DYNC2H1: variants seen among roughly 807,000 people sequenced by gnomAD.
DYNC2H1 encodes the protein dynein cytoplasmic 2 heavy chain 1.
DYNC2H1 carries 410 observed loss-of-function variants against 570.0 expected under a neutral mutation model. The observed-to-expected ratio is 0.72, with a 90% CI of 0.66 to 0.78. DYNC2H1 has a LOEUF of 0.78. Ranked by LOEUF, DYNC2H1 falls within the 30% of genes least tolerant of loss-of-function variation. The probability of loss-of-function intolerance (pLI) is 0.00; values close to 1 mark genes in which losing one functional copy is unlikely to be tolerated. For missense variants in DYNC2H1, 4,865 were observed against 5,046.4 expected (o/e 0.96, Z 1.09); for synonymous variants, 1,688 against 1,677.6 (o/e 1.01, Z -0.15).
chr11:103,116,221 G>T (rs1408318538), intron 4 of DYNC2H1, among the ~76,000 whole-genome samples: 1 of 152,142 alleles, frequency 6.6e-6, no homozygotes, highest in Non-Finnish European at 1.5e-5. Context: ...AATAATGAAT[G>T]AATAAAGACA....
At chr11:103,195,951 C>T (rs985440542) in intron 47 of DYNC2H1, among the ~76,000 whole-genome samples, 16 of 152,122 alleles carry the variant, frequency 1.1e-4, no homozygotes, top group South Asian at 2.1e-4. Flanking sequence ...ATATAGTAAG[C>T]GAAGGATATT....
intron 21 of DYNC2H1, 83 bp from the exon 22 acceptor site, chr11:103,153,220 A>T (rs759709013): frequency 2.4e-6 from 3 of 1,244,742 alleles, no homozygotes; most frequent in Non-Finnish European, 3.3e-6. Flanking sequence ...TCACTTTTAA[A>T]TAGAAAATAT....
At chr11:103,283,173 AG>A in intron 73 of DYNC2H1, 88 bp downstream of exon 73, 1 of 1,069,160 alleles carries the variant, frequency 9.4e-7, no homozygotes, top group South Asian at 1.6e-5. Flanking sequence ...ATTCGTAATC[AG>A]TGTTAACATT....
intron 75 of DYNC2H1, among the ~76,000 whole-genome samples, chr11:103,291,174 A>T: frequency 6.6e-6 from 1 of 152,218 alleles, no homozygotes; most frequent in Non-Finnish European, 1.5e-5. Context: ...GTGGTGGCTC[A>T]TGCCTATAAT....
intron 84 of DYNC2H1, among the ~76,000 whole-genome samples, chr11:103,412,888 T>C (rs1238741793): frequency 6.6e-6 from 1 of 152,170 alleles, no homozygotes; most frequent in Non-Finnish European, 1.5e-5. Flanking sequence ...CCTTTCACTT[T>C]CACTCCTTTC....
chr11:103,257,365 A>G (rs1865096282), intron 68 of DYNC2H1, among the ~76,000 whole-genome samples: 1 of 152,230 alleles, frequency 6.6e-6, no homozygotes, highest in African/African-American at 2.4e-5. Context: ...TGTTATAGGT[A>G]GCCTTAATAG....
At chr11:103,232,296 T>C (rs1864044587) in intron 60 of DYNC2H1, among the ~76,000 whole-genome samples, 1 of 151,988 alleles carries the variant, frequency 6.6e-6, no homozygotes, top group Non-Finnish European at 1.5e-5. Context: ...TATTTCTATT[T>C]AGCAGATTAG....
At chr11:103,120,611 A>G in intron 7 of DYNC2H1, 30 bp downstream of exon 7, 2 of 1,598,624 alleles carry the variant, frequency 1.3e-6, no homozygotes, top group Non-Finnish European at 1.7e-6. Flanking sequence ...ATGTCTGTAC[A>G]GTTTCCTGTT....
At chr11:103,148,414 T>A in intron 19 of DYNC2H1, 76 bp from the exon 20 acceptor site, 1 of 1,454,476 alleles carries the variant, frequency 6.9e-7, no homozygotes. Context: ...TACCACCCCT[T>A]GATTTAGAAA....
intron 78 of DYNC2H1, among the ~76,000 whole-genome samples, chr11:103,308,865 G>A (rs1867428171): frequency 6.6e-6 from 1 of 151,936 alleles, no homozygotes; most frequent in South Asian, 2.1e-4. Context: ...TGTATTAATA[G>A]TTCATTATAT....
chr11:103,368,208 C>A (rs1205942969), intron 83 of DYNC2H1, among the ~76,000 whole-genome samples: 1 of 152,188 alleles, frequency 6.6e-6, no homozygotes. Context: ...TACTAATTTA[C>A]AATTCCACCA....
intron 1 of DYNC2H1, among the ~76,000 whole-genome samples, chr11:103,112,086 C>T (rs1364742236): frequency 6.6e-6 from 1 of 152,164 alleles, no homozygotes; most frequent in Admixed American, 6.5e-5. Context: ...GAGATAATCC[C>T]TCTCTGGATT....
At chr11:103,142,901 A>G (rs1306949733) in intron 17 of DYNC2H1, among the ~76,000 whole-genome samples, 3 of 152,222 alleles carry the variant, frequency 2.0e-5, no homozygotes, top group South Asian at 2.1e-4. Context: ...TGCCACTGCA[A>G]TACTTCTGTG....
At chr11:103,408,796 C>G (rs1039572309) in intron 84 of DYNC2H1, among the ~76,000 whole-genome samples, 4 of 152,012 alleles carry the variant, frequency 2.6e-5, no homozygotes, top group Admixed American at 2.0e-4. Context: ...CTCGCTTAGA[C>G]TAGTGCCATT....
Position 103,135,488 on chromosome 11 carries a change from A to G in DYNC2H1, c.2206-7A>G. On this transcript the variant is annotated splice_region_variant and splice_polypyrimidine_tract_variant and intron_variant, in intron 15 of 88. Coordinates refer to ENST00000375735, the MANE Select transcript of DYNC2H1 (RefSeq NM_001377.3). Reference sequence around the variant, plus strand: ...TTTAAATTAAAAATGTGAATGTAACATATTAGGGATTCCAAGCAAGTGACA... The same window carrying G: ...TTTAAATTAAAAATGTGAATGTAACGTATTAGGGATTCCAAGCAAGTGACA... 1 of 1,538,498 alleles carries G rather than the reference A, an allele frequency of 6.5e-7. No individual in the cohort carries two copies. The highest frequency in any genetic ancestry group is 8.7e-7 in the Non-Finnish European group (1 of 1,145,150).
chr11:103,390,232 A>G (rs1174149718), intron 83 of DYNC2H1, among the ~76,000 whole-genome samples: 2 of 151,984 alleles, frequency 1.3e-5, no homozygotes, highest in Non-Finnish European at 1.5e-5. Flanking sequence ...TGTTGTATGG[A>G]TCCCTTTACC....
chr11:103,289,906 A>G lies in DYNC2H1; in HGVS notation c.11095+2301A>G, dbSNP rs146144382. On this transcript the variant is annotated intron_variant, in intron 75 of 88. Transcript: ENST00000375735. This position sits in a 1 kb window ranked among gnomAD's most constrained non-coding sequence, Gnocchi z 4.2. ...TTGGTGTCCTTACAAGAAGACATCC[A>G]TGTAAAGACAGACACGCAAGGAGAG... Among the ~76,000 whole-genome samples, 28 of 152,324 alleles carry G rather than the reference A, an allele frequency of 1.8e-4. No individual in the cohort carries two copies. In the East Asian group the frequency reaches 4.4e-3, roughly 24 times the overall value.
chr11:103,241,684 G>A lies in DYNC2H1; in HGVS notation c.9820-2009G>A, dbSNP rs1021119645. 2 of 665,704 alleles carry A rather than the reference G, an allele frequency of 3.0e-6. No individual in the cohort carries two copies. Among genetic ancestry groups the A allele is most frequent in the African/African-American group, 1.8e-5 (1 of 54,586 alleles). 41.2% of individuals were successfully genotyped at this position (665,704 alleles called of 1,614,324 possible). On this transcript the variant is annotated intron_variant, in intron 63 of 88. Transcript: ENST00000375735. The surrounding 1 kb of genome is among the most constrained non-coding windows in gnomAD (Gnocchi z 5.1). ...GCAGCACCATGGTAACACTTCACAGGCTATTTACTAACCACATCATTGTGC... is the reference window on the plus strand; with the variant it reads ...GCAGCACCATGGTAACACTTCACAGACTATTTACTAACCACATCATTGTGC...
chr11:103,328,614 C>T (rs1356076430), intron 82 of DYNC2H1, among the ~76,000 whole-genome samples: 1 of 152,116 alleles, frequency 6.6e-6, no homozygotes, highest in Non-Finnish European at 1.5e-5. Context: ...GTTGTATAAC[C>T]AATTTTGTAC....
Sources: allele counts gnomAD v4.1 joint callset (sites outside exome capture counted in the v4.1 genomes callset), GRCh38; gene constraint gnomAD v4.1.1; non-coding constraint Gnocchi (gnomAD v3.1); transcripts MANE v1.5; gene names NCBI Gene and HGNC (gene_info 2026-07-23, HGNC 2026-07-21).